The following KIF14 variants were observed in gnomAD, a reference collection of about 807,000 sequenced individuals.
KIF14 encodes kinesin-like protein KIF14.
In KIF14, 98 loss-of-function variants were observed where a neutral mutation model predicts 176.2. That is an observed-to-expected ratio of 0.56 (90% CI 0.47 to 0.66). KIF14 has a LOEUF of 0.66. KIF14 is among the 30% of genes least tolerant of loss of function. KIF14 has a pLI of 0.00. For missense variants in KIF14, 1,751 were observed against 1,920.4 expected (o/e 0.91, Z 1.65); for synonymous variants, 566 against 632.2 (o/e 0.90, Z 1.57).
intron 19 of KIF14, among the ~76,000 whole-genome samples, chr1:200,581,847 C>A (rs1308289339): frequency 6.8e-6 from 1 of 147,474 alleles, no homozygotes; most frequent in Non-Finnish European, 1.5e-5. Context: ...TGGCTCACTG[C>A]AGCCTTGACC....
intron 22 of KIF14, among the ~76,000 whole-genome samples, chr1:200,573,105 C>G (rs1301871460): frequency 6.6e-6 from 1 of 152,166 alleles, no homozygotes; most frequent in African/African-American, 2.4e-5. Flanking sequence ...ATCTCTAATC[C>G]TCGTAACAAC....
Position 200,553,233 on chromosome 1 carries a change from G to C in KIF14, c.*155C>G. On this transcript the variant is annotated 3_prime_UTR_variant, in exon 30 of 30. Coordinates refer to ENST00000367350, the MANE Select transcript of KIF14 (RefSeq NM_014875.3). ...TTACAGGCGTGAGCCACTGTGTCTGGCCTTTGATAAATAGATATTTTAAAG... is the reference window on the plus strand; with the variant it reads ...TTACAGGCGTGAGCCACTGTGTCTGCCCTTTGATAAATAGATATTTTAAAG... The C allele has an allele frequency of 2.5e-6, 2 of 807,780 alleles. No homozygotes were observed. Among genetic ancestry groups the C allele is most frequent in the East Asian group, 2.8e-5 (1 of 36,312 alleles). 50.0% of individuals were successfully genotyped at this position (807,780 alleles called of 1,614,324 possible). A position where few individuals can be genotyped will look rare whatever the true frequency, so the allele number is the denominator to read the frequency against.
At chr1:200,567,777 A>T (rs1353421597) in intron 23 of KIF14, among the ~76,000 whole-genome samples, 1 of 151,888 alleles carries the variant, frequency 6.6e-6, no homozygotes, top group Non-Finnish European at 1.5e-5. Context: ...AACTAAAAGG[A>T]GGTAGAATAA....
chr1:200,602,741 T>A (rs543165220), intron 10 of KIF14, among the ~76,000 whole-genome samples: 1 of 152,294 alleles, frequency 6.6e-6, no homozygotes, highest in East Asian at 1.9e-4. Flanking sequence ...ATATTGAAAA[T>A]TAAATATACA....
chr1:200,589,347 T>C lies in KIF14; in HGVS notation c.2984A>G (p.Lys995Arg). The change falls in exon 18 of 30, where the codon AAA becomes AGA. Residue 995 changes from lysine to arginine, a missense_variant. Coordinates refer to ENST00000367350, the MANE Select transcript of KIF14 (RefSeq NM_014875.3). Reference sequence around the variant, plus strand: ...CTTCTGGTTATTTATTTCCTGCATTTTTTTCCTTTGAGACTCTTCTCTCTT... The same window carrying C: ...CTTCTGGTTATTTATTTCCTGCATTCTTTTCCTTTGAGACTCTTCTCTCTT... ...AELREESQRK[K>R]MQEINNQKAN... 1 of 1,609,670 alleles carries C rather than the reference T, an allele frequency of 6.2e-7. No individual in the cohort carries two copies. Among genetic ancestry groups the C allele is most frequent in the East Asian group, 2.2e-5 (1 of 44,764 alleles).
chr1:200,564,184 C>T (rs189675515), intron 25 of KIF14, among the ~76,000 whole-genome samples: 1,114 of 105,044 alleles, frequency 0.011, 7 homozygotes, highest in Non-Finnish European at 0.015. Flanking sequence ...ATCGCTTGAA[C>T]CCAGGAGCAG....
At chr1:200,578,265 GTTTTATTTTGT>G (rs1308726104) in intron 21 of KIF14, among the ~76,000 whole-genome samples, 1 of 151,462 alleles carries the variant, frequency 6.6e-6, no homozygotes, top group South Asian at 2.1e-4. Flanking sequence ...GCTTTCCTTT[GTTTTATTTTGT>G]TTTTATTTTC....
intron 25 of KIF14, among the ~76,000 whole-genome samples, chr1:200,561,207 G>A (rs1657127637): frequency 7.0e-6 from 1 of 142,962 alleles, no homozygotes. Flanking sequence ...TCCAGCCGGG[G>A]TGACAGAGTA....
At chr1:200,562,468 A>C (rs914973608) in intron 25 of KIF14, among the ~76,000 whole-genome samples, 1 of 152,246 alleles carries the variant, frequency 6.6e-6, no homozygotes, top group African/African-American at 2.4e-5. Context: ...AAATTTAAGC[A>C]GTTTGCCCAA....
chr1:200,553,814 C>T (rs770855027), intron 29 of KIF14, 47 bp from the exon 30 acceptor site: 4 of 1,517,132 alleles, frequency 2.6e-6, no homozygotes, highest in Middle Eastern at 1.8e-4. Context: ...TTTCAGTTTT[C>T]ATCAGGTATT....
chr1:200,602,697 T>C (rs1052967194), intron 10 of KIF14, among the ~76,000 whole-genome samples: 1 of 152,206 alleles, frequency 6.6e-6, no homozygotes, highest in African/African-American at 2.4e-5. Flanking sequence ...CACAACTGAA[T>C]ATTAAATCCA....
In KIF14 at chr1:200,617,828, G is replaced by A. The variant is rs1275425385; in HGVS notation, c.896C>T (p.Pro299Leu). Reference protein sequence around the residue: ...TKCSLPQLKSPAPSILKNRMS... With the variant: ...TKCSLPQLKSLAPSILKNRMS... ...TCTATTCTTCAGTATTGATGGAGCT[G>A]GGCTCTTAAGCTGAGGCAGGCTGCA... The change falls in exon 2 of 30, where the codon CCA becomes CTA. Residue 299 changes from proline to leucine, a missense_variant. Transcript: ENST00000367350. 12 of 1,614,156 alleles carry A rather than the reference G, an allele frequency of 7.4e-6. No homozygotes were observed. The highest frequency in any genetic ancestry group is 9.3e-6 in the Non-Finnish European group (11 of 1,180,014).
chr1:200,613,139 C>T (rs570655603), intron 4 of KIF14, among the ~76,000 whole-genome samples: 23 of 152,190 alleles, frequency 1.5e-4, no homozygotes, highest in South Asian at 1.2e-3. Flanking sequence ...CTGCCCGCTT[C>T]GGCCTCCCAA....
At chr1:200,603,617 T>G (rs969426782) in intron 9 of KIF14, among the ~76,000 whole-genome samples, 1 of 152,048 alleles carries the variant, frequency 6.6e-6, no homozygotes, top group African/African-American at 2.4e-5. Flanking sequence ...TATAAATACT[T>G]TTTTCTATAA....
rs775566075 is a variant in KIF14, at chr1:200,618,613, C to T, written c.111G>A (p.Lys37=). ...CTGACATATCCGACTTCAAATGCAG[C>T]TTAAGTCGGCTACTGTGGGTGAGGG... is the stretch of plus-strand genomic sequence containing the variant. ...LNALTHSSRL[K]LHLKSDMSEC... is the part of the protein sequence containing the mutation. Residue 37 remains lysine (K), a synonymous_variant, in exon 2 of 30, where the codon AAG becomes AAA. Coordinates refer to ENST00000367350, the MANE Select transcript of KIF14 (RefSeq NM_014875.3). 3 of 1,614,092 alleles carry T rather than the reference C, an allele frequency of 1.9e-6. No homozygotes were observed. The South Asian group carries it at 3.3e-5, about 18-fold the overall frequency.
At chr1:200,617,313 T>C (rs151034832) in intron 2 of KIF14, among the ~76,000 whole-genome samples, 230 of 152,288 alleles carry the variant, frequency 1.5e-3, no homozygotes, top group African/African-American at 5.4e-3. Flanking sequence ...CCAGCATATA[T>C]TGCAGATCTG....
intron 19 of KIF14, among the ~76,000 whole-genome samples, chr1:200,582,638 T>C (rs2102659200): frequency 6.6e-6 from 1 of 152,220 alleles, no homozygotes; most frequent in East Asian, 1.9e-4. Flanking sequence ...TCACCTGAGG[T>C]CAGGAGTTTG....
At chr1:200,605,776 T>C (rs1316053761) in intron 7 of KIF14, 88 bp downstream of exon 7, 1 of 818,406 alleles carries the variant, frequency 1.2e-6, no homozygotes, top group African/African-American at 1.9e-5. Context: ...CTTTTATTTG[T>C]AAAACAGCAA....
chr1:200,610,886 G>A (rs951442347), intron 4 of KIF14, among the ~76,000 whole-genome samples: 3 of 152,252 alleles, frequency 2.0e-5, no homozygotes, highest in East Asian at 1.9e-4. Context: ...CCAGAAAGAG[G>A]GGGTAGGGCA....
Sources: allele counts gnomAD v4.1 joint callset (sites outside exome capture counted in the v4.1 genomes callset), GRCh38; gene constraint gnomAD v4.1.1; transcripts MANE v1.5; gene names NCBI Gene and HGNC (gene_info 2026-07-23, HGNC 2026-07-21).